The following SHISA9 variants were observed in gnomAD, a reference collection of about 807,000 sequenced individuals.
The protein encoded by SHISA9 is protein shisa-9.
A neutral mutation model predicts 38.0 loss-of-function variants in SHISA9; 13 were observed. The observed-to-expected ratio is 0.34, with a 90% CI of 0.22 to 0.54. The LOEUF is 0.54. Among genes scored for constraint, SHISA9 ranks in the 20% least tolerant of loss-of-function variants. The pLI is 0.91. For synonymous variants in SHISA9, 275 were observed against 242.0 expected (o/e 1.14, Z -1.27); for missense variants, 538 against 575.8 (o/e 0.93, Z 0.67).
At chr16:13,450,928 C>T in the SHISA9 span, among the ~76,000 whole-genome samples, 1 of 151,896 alleles carries the variant, frequency 6.6e-6, no homozygotes, top group Non-Finnish European at 1.5e-5. Flanking sequence ...GAACTGTGAC[C>T]GATGCTATCA....
intron 2 of SHISA9, among the ~76,000 whole-genome samples, chr16:13,029,839 C>T (rs1395332294): frequency 6.6e-6 from 1 of 152,188 alleles, no homozygotes; most frequent in Admixed American, 6.5e-5. Flanking sequence ...TTTATGACAA[C>T]ATAATGTAGT....
intron 2 of SHISA9, among the ~76,000 whole-genome samples, chr16:13,170,274 A>G (rs546872124): frequency 7.0e-4 from 107 of 152,192 alleles, no homozygotes; most frequent in African/African-American, 2.5e-3. Context: ...CCCTATGATA[A>G]GTATCTACTG....
At chr16:13,498,543 G>A in the SHISA9 span, among the ~76,000 whole-genome samples, 1 of 152,106 alleles carries the variant, frequency 6.6e-6, no homozygotes, top group African/African-American at 2.4e-5. Context: ...GATCAGCTGA[G>A]GTCAGGAGGT....
intron 2 of SHISA9, among the ~76,000 whole-genome samples, chr16:13,121,416 CA>C (rs1299069482): frequency 6.6e-6 from 1 of 152,084 alleles, no homozygotes; most frequent in Non-Finnish European, 1.5e-5. Flanking sequence ...TGCTTGAACA[CA>C]AGTGTTTGAG....
intron 2 of SHISA9, among the ~76,000 whole-genome samples, chr16:13,110,640 C>T (rs1307061884): frequency 6.6e-6 from 1 of 152,184 alleles, no homozygotes; most frequent in Non-Finnish European, 1.5e-5. Flanking sequence ...GACTCGGAAA[C>T]AGTCATCTGA....
chr16:13,416,754 GGAA>G, the SHISA9 span, among the ~76,000 whole-genome samples: 1 of 132,010 alleles, frequency 7.6e-6, no homozygotes, highest in African/African-American at 2.8e-5. Context: ...AAGGAAGGAA[GGAA>G]GGAAGGAAGG....
At chr16:12,930,193 G>A (rs1459099719) in intron 2 of SHISA9, among the ~76,000 whole-genome samples, 1 of 152,164 alleles carries the variant, frequency 6.6e-6, no homozygotes, top group African/African-American at 2.4e-5. Flanking sequence ...CACAGAAAGT[G>A]CTCTATAAAA....
chr16:13,172,451 T>C (rs932973439), intron 2 of SHISA9, among the ~76,000 whole-genome samples: 2 of 152,238 alleles, frequency 1.3e-5, no homozygotes, highest in Non-Finnish European at 2.9e-5. Context: ...GAGTCATTAG[T>C]CGTAGCATAT....
At chr16:13,011,402 C>G (rs543376347) in intron 2 of SHISA9, among the ~76,000 whole-genome samples, 1 of 148,532 alleles carries the variant, frequency 6.7e-6, no homozygotes, top group African/African-American at 2.5e-5. Flanking sequence ...TTAGTAACCA[C>G]AGTTCTCATG....
At chr16:13,375,058 A>T in the SHISA9 span, among the ~76,000 whole-genome samples, 1 of 152,072 alleles carries the variant, frequency 6.6e-6, no homozygotes, top group African/African-American at 2.4e-5. Flanking sequence ...TTCTTTGTAG[A>T]TTCTGGATAT....
At chr16:12,930,378 C>T (rs2141741658) in intron 2 of SHISA9, among the ~76,000 whole-genome samples, 1 of 152,342 alleles carries the variant, frequency 6.6e-6, no homozygotes, top group African/African-American at 2.4e-5. Flanking sequence ...AGAGTTGTTG[C>T]ATACATTTAA....
intron 2 of SHISA9, among the ~76,000 whole-genome samples, chr16:13,120,867 C>G (rs1324200506): frequency 6.6e-6 from 1 of 152,136 alleles, no homozygotes; most frequent in Non-Finnish European, 1.5e-5. Flanking sequence ...ACTTTCACAG[C>G]CCATTTTACA....
chr16:13,317,592 C>T, the SHISA9 span, among the ~76,000 whole-genome samples: 2 of 152,186 alleles, frequency 1.3e-5, no homozygotes, highest in South Asian at 4.1e-4. Context: ...CTCTGCCTAC[C>T]CTCTGGGTGA....
chr16:13,225,055 G>A (rs2142078705), intron 4 of SHISA9, among the ~76,000 whole-genome samples: 1 of 152,216 alleles, frequency 6.6e-6, no homozygotes, highest in East Asian at 1.9e-4. Flanking sequence ...TAATCCTGTG[G>A]CTGATATCCT....
chr16:13,416,421 C>A, the SHISA9 span, among the ~76,000 whole-genome samples: 2 of 152,168 alleles, frequency 1.3e-5, no homozygotes, highest in African/African-American at 4.8e-5. Flanking sequence ...AGGAGCAGCC[C>A]ACCTCCAGTT....
At chr16:13,381,240 G>A in the SHISA9 span, among the ~76,000 whole-genome samples, 1 of 152,166 alleles carries the variant, frequency 6.6e-6, no homozygotes, top group Non-Finnish European at 1.5e-5. Flanking sequence ...CCAGATTAGA[G>A]AAGGAAGATG....
intron 2 of SHISA9, among the ~76,000 whole-genome samples, chr16:13,069,070 T>C (rs918478145): frequency 3.3e-5 from 5 of 152,076 alleles, no homozygotes; most frequent in Non-Finnish European, 7.4e-5. Flanking sequence ...TGTATGTGTG[T>C]ACATGTGTAC....
At chr16:13,338,012 T>C in the SHISA9 span, among the ~76,000 whole-genome samples, 3 of 152,214 alleles carry the variant, frequency 2.0e-5, no homozygotes, top group African/African-American at 7.2e-5. Flanking sequence ...TAGTTCTTAA[T>C]AGCAATGCAA....
At chr16:13,354,273 T>C in the SHISA9 span, among the ~76,000 whole-genome samples, 6,359 of 28,838 alleles carry the variant, frequency 0.22, 1,500 homozygotes, top group East Asian at 0.54. Context: ...TGTACTATAG[T>C]ATAACCTGCC....
Sources: gnomAD v4.1 joint callset for allele counts (sites outside exome capture counted in the v4.1 genomes callset) on GRCh38, gnomAD v4.1.1 for gene constraint, MANE v1.5 for transcripts, NCBI Gene and HGNC (gene_info 2026-07-23, HGNC 2026-07-21) for gene names.